Variants in C20orf203 observed in about 807,000 individuals in gnomAD.
The protein encoded by C20orf203 is chromosome 20 open reading frame 203.
Under a neutral mutation model 15.9 loss-of-function variants are expected in C20orf203, and 16 were observed. The ratio of observed to expected loss-of-function variants is 1.01; its 90% CI spans 0.68 to 1.53. C20orf203 has a LOEUF of 1.53. Ranked by LOEUF, C20orf203 falls within the 40% of genes most tolerant of loss-of-function variation. The pLI is 0.00. For missense variants in C20orf203, 263 were observed against 247.5 expected, an observed-to-expected ratio of 1.06 and a Z score of -0.42; for synonymous variants, 98 against 97.2, an observed-to-expected ratio of 1.01 and a Z score of -0.05.
Position 32,650,699 on chromosome 20 carries a change from T to A in C20orf203, c.318A>T (p.Glu106Asp). The change falls in exon 4 of 6, where the codon GAA becomes GAT. Residue 106 changes from glutamate to aspartate, a missense_variant. Physicochemically the swap from Glu to Asp is conservative, Grantham distance 45 (BLOSUM62 2). Coordinates refer to ENST00000608990, the MANE Select transcript of C20orf203 (RefSeq NM_182584.4). ...RIWVGGEGWG[E>D]VGGLRLSKVG... Reference sequence around the variant, plus strand: ...CCTTGCTGAGCCTGAGGCCTCCAACTTCCCCCCACCCCTCCCCACCAACCC... The same window carrying A: ...CCTTGCTGAGCCTGAGGCCTCCAACATCCCCCCACCCCTCCCCACCAACCC... 5 of 1,543,494 alleles carry A rather than the reference T, an allele frequency of 3.2e-6. No homozygotes were observed. The highest frequency in any genetic ancestry group is 2.8e-5 in the African/African-American group (2 of 72,504).
chr20:32,669,113 G>T (rs1228400720), intron 1 of C20orf203, among the ~76,000 whole-genome samples: 1 of 152,196 alleles, frequency 6.6e-6, no homozygotes, highest in Admixed American at 6.5e-5. Context: ...AAACAGTACT[G>T]GTTGAAGAAC....
chr20:32,647,434 T>C (rs35994814), intron 4 of C20orf203, among the ~76,000 whole-genome samples: 3,107 of 148,510 alleles, frequency 0.021, 55 homozygotes, highest in Non-Finnish European at 0.032. Context: ...TTTGGCTTGG[T>C]GGCTCATGCC....
intron 4 of C20orf203, among the ~76,000 whole-genome samples, chr20:32,644,651 T>C (rs1409726592): frequency 6.6e-6 from 1 of 152,026 alleles, no homozygotes; most frequent in African/African-American, 2.4e-5. Flanking sequence ...CCCTCACATC[T>C]CCCTGTAAAC....
chr20:32,650,056 G>A lies in C20orf203; in HGVS notation c.*376C>T. Reference sequence around the variant, plus strand: ...GGTGTCCCTTTCCGGATGTGGGGTGGGAGTGACACACAGGAGTACTGCAGC... The same window carrying A: ...GGTGTCCCTTTCCGGATGTGGGGTGAGAGTGACACACAGGAGTACTGCAGC... On this transcript the variant is annotated 3_prime_UTR_variant, in exon 4 of 6. Coordinates refer to ENST00000608990, the MANE Select transcript of C20orf203 (RefSeq NM_182584.4). 1 of 189,716 alleles carries A rather than the reference G, an allele frequency of 5.3e-6. No homozygotes were observed. The highest frequency in any genetic ancestry group is 5.4e-5 in the Admixed American group (1 of 18,466). 11.8% of individuals were successfully genotyped at this position (189,716 alleles called of 1,614,324 possible).
In C20orf203 at chr20:32,646,175, ATTTTTTT is replaced by A. The variant is rs555458436; in HGVS notation, c.*1177+3073_*1177+3079del. Among the ~76,000 whole-genome samples the A allele has an allele frequency of 3.8e-5, 4 of 105,886 alleles. No individual in the cohort carries two copies. The East Asian group carries it at 7.4e-4, about 20-fold the overall frequency. 69.5% of individuals were successfully genotyped at this position (105,886 alleles called of 152,430 possible). On this transcript the variant is annotated intron_variant, in intron 4 of 5. Transcript: ENST00000608990. The stretch of plus-strand genomic sequence containing the variant: ...TGAGACAGAGTCTTGCTTGATCCCA[ATTTTTTT>A]TTTTTTTTTTTTTTTGAGACAAAGT...
At position 32,650,645 on chromosome 20, in the gene C20orf203, C is replaced by G. The variant is rs1982587994; in HGVS notation, c.372G>C (p.Arg124Ser). 6.5e-7 allele frequency: 1 copy of G among 1,549,170 alleles called. No homozygotes were observed. Among genetic ancestry groups the G allele is most frequent in the South Asian group, 1.2e-5 (1 of 84,000 alleles). Residue 124 changes from arginine (R) to serine (S), a missense_variant, in exon 4 of 6, where the codon AGG (arginine) becomes AGC (serine). Coordinates refer to ENST00000608990, the MANE Select transcript of C20orf203 (RefSeq NM_182584.4). Reference protein sequence around the residue: ...KVGRRDREVGRGLRAPAGRGR... With the variant: ...KVGRRDREVGSGLRAPAGRGR... ...CCCGCCCAGCAGGGGCCCGCAGCCC[C>G]CTCCCCACTTCCCTATCTCTCCGAC...
intron 1 of C20orf203, among the ~76,000 whole-genome samples, chr20:32,661,126 G>A (rs751739599): frequency 2.0e-5 from 3 of 152,166 alleles, no homozygotes; most frequent in Non-Finnish European, 2.9e-5. Context: ...TGCGGGAGGC[G>A]GCAAGAAAGG....
Position 32,636,657 on chromosome 20 carries a change from G to C in C20orf203, c.*1300-2387C>G, listed in dbSNP as rs184305782. ...CCTCACACCCACCTGCGCCCCCCAT[G>C]TGCTGCTGGACTTGGGCCATGGAAC... is the stretch of plus-strand genomic sequence containing the variant. On this transcript the variant is annotated intron_variant, in intron 5 of 5. Coordinates refer to ENST00000608990, the MANE Select transcript of C20orf203 (RefSeq NM_182584.4). Among the ~76,000 whole-genome samples, 3 of 152,240 alleles carry C rather than the reference G, an allele frequency of 2.0e-5. No homozygotes were observed. The East Asian group carries it at 5.8e-4, about 29-fold the overall frequency.
At chr20:32,657,961 C>A (rs1982802358) in intron 1 of C20orf203, 1 of 145,026 alleles carries the variant, frequency 6.9e-6, no homozygotes, top group African/African-American at 2.5e-5. Context: ...CTCTGTGCGC[C>A]CCCAAACCTA....
At position 32,660,781 on chromosome 20, in the gene C20orf203, G is replaced by C. The variant is rs1407355933; in HGVS notation, c.-263-8800C>G. Among the ~76,000 whole-genome samples the C allele has an allele frequency of 2.0e-5, 3 of 152,114 alleles. No homozygotes were observed. In the East Asian group the frequency reaches 5.8e-4, roughly 29 times the overall value. On this transcript the variant is annotated intron_variant, in intron 1 of 5. Transcript: ENST00000608990. ...ATTGACTCACAGTACTGCATGACTGGGAAGGCCTCAGCAAACTTACAATCA... is the reference window on the plus strand; with the variant it reads ...ATTGACTCACAGTACTGCATGACTGCGAAGGCCTCAGCAAACTTACAATCA...
chr20:32,668,416 A>G (rs551825480), intron 1 of C20orf203, among the ~76,000 whole-genome samples: 1 of 152,150 alleles, frequency 6.6e-6, no homozygotes, highest in Admixed American at 6.6e-5. Flanking sequence ...ATTTGAGGTC[A>G]GGAGTTTGAG....
At chr20:32,665,430 CAT>C (rs1600941091) in intron 1 of C20orf203, among the ~76,000 whole-genome samples, 1 of 152,184 alleles carries the variant, frequency 6.6e-6, no homozygotes. Flanking sequence ...GGAAGAAAGA[CAT>C]AAACACGCAC....
At chr20:32,671,840 CAAAAAAAAAAAAAA>C (rs869043468) in intron 1 of C20orf203, among the ~76,000 whole-genome samples, 1 of 66,308 alleles carries the variant, frequency 1.5e-5, no homozygotes, top group Non-Finnish European at 2.6e-5. Flanking sequence ...ACTCTGTCTC[CAAAAAAAAAAAAAA>C]AAAAAAAAAA....
intron 1 of C20orf203, among the ~76,000 whole-genome samples, chr20:32,662,535 T>G (rs929510171): frequency 2.0e-5 from 3 of 151,704 alleles, no homozygotes; most frequent in South Asian, 4.2e-4. Flanking sequence ...CGAGACGGAG[T>G]TGCGGTGAGC....
chr20:32,650,339 T>G lies in C20orf203; in HGVS notation c.*93A>C. On this transcript the variant is annotated 3_prime_UTR_variant, in exon 4 of 6. Coordinates refer to ENST00000608990, the MANE Select transcript of C20orf203 (RefSeq NM_182584.4). The stretch of plus-strand genomic sequence containing the variant: ...TCCCCCACTCTGGGGAGCAGAATGA[T>G]TGTGGGGGGTGGTAACAGGGGACAC... 2.6e-5 allele frequency: 23 copies of G among 869,086 alleles called. No homozygotes were observed. Among genetic ancestry groups the G allele is most frequent in the Non-Finnish European group, 4.0e-5 (22 of 552,248 alleles). The allele number at this position is 869,086 out of a possible 1,614,324, so 53.8% of individuals were successfully genotyped here.
chr20:32,670,810 C>T (rs1054702163), intron 1 of C20orf203, among the ~76,000 whole-genome samples: 4 of 151,194 alleles, frequency 2.6e-5, no homozygotes, highest in African/African-American at 9.7e-5. Flanking sequence ...CCAGCCTGGG[C>T]GAGACTCCGT....
intron 1 of C20orf203, among the ~76,000 whole-genome samples, chr20:32,670,556 A>G (rs1266940701): frequency 6.6e-6 from 1 of 151,018 alleles, no homozygotes; most frequent in Non-Finnish European, 1.5e-5. Context: ...AAAATAGGCC[A>G]CGCACAGTGG....
chr20:32,652,264 C>T (rs1038918780), intron 1 of C20orf203, among the ~76,000 whole-genome samples: 3 of 133,846 alleles, frequency 2.2e-5, no homozygotes, highest in Non-Finnish European at 4.6e-5. Context: ...GAACTGAGAT[C>T]GTGCCAGTGA....
At chr20:32,673,341 G>A (rs186375115) in intron 1 of C20orf203, among the ~76,000 whole-genome samples, 3 of 152,270 alleles carry the variant, frequency 2.0e-5, no homozygotes, top group Non-Finnish European at 4.4e-5. Context: ...CTCAGCCCCC[G>A]TAGCCAACCA....
Sources: gnomAD v4.1 joint callset for allele counts (sites outside exome capture counted in the v4.1 genomes callset) on GRCh38, gnomAD v4.1.1 for gene constraint, MANE v1.5 for transcripts, NCBI Gene and HGNC (gene_info 2026-07-23, HGNC 2026-07-21) for gene names.